ABTB3: variants seen among roughly 807,000 people sequenced by gnomAD.
ABTB3 encodes the protein ankyrin repeat and BTB domain containing 3, also known as ankyrin repeat- and BTB/POZ domain-containing protein 3.
At chr12:107,461,510 C>T in the ABTB3 span, among the ~76,000 whole-genome samples, 765 of 151,508 alleles carry the variant, frequency 5.0e-3, 11 homozygotes, top group African/African-American at 0.018. Flanking sequence ...CTGGAAGGAA[C>T]TGGCCTTGCT....
At chr12:107,580,949 G>T in the ABTB3 span, 9 of 1,551,630 alleles carry the variant, frequency 5.8e-6, no homozygotes, top group East Asian at 2.0e-4. Context: ...GCCTGCCCCG[G>T]GGTCACCGGT....
At chr12:107,355,402 C>CCTT in the ABTB3 span, among the ~76,000 whole-genome samples, 1 of 152,322 alleles carries the variant, frequency 6.6e-6, no homozygotes, top group Non-Finnish European at 1.5e-5. Context: ...GAGCCCTGAG[C>CCTT]CTTCAGTGTC....
chr12:107,626,495 A>G, the ABTB3 span, among the ~76,000 whole-genome samples: 1 of 151,800 alleles, frequency 6.6e-6, no homozygotes, highest in African/African-American at 2.4e-5. Flanking sequence ...ACAAGCACCC[A>G]CCAGTATGCC....
chr12:107,507,332 T>G, the ABTB3 span, among the ~76,000 whole-genome samples: 19 of 152,000 alleles, frequency 1.3e-4, no homozygotes, highest in African/African-American at 3.9e-4. Context: ...CCAGAAGAGA[T>G]CCACAGGCAG....
At chr12:107,420,671 G>A in the ABTB3 span, among the ~76,000 whole-genome samples, 1 of 152,252 alleles carries the variant, frequency 6.6e-6, no homozygotes, top group African/African-American at 2.4e-5. Flanking sequence ...TCTTCTGAGA[G>A]GCAGCACATT....
the ABTB3 span, among the ~76,000 whole-genome samples, chr12:107,448,857 C>A: frequency 1.3e-5 from 2 of 152,216 alleles, no homozygotes; most frequent in Non-Finnish European, 2.9e-5. Flanking sequence ...GGGCGTGAGC[C>A]ACCACACCTG....
At chr12:107,435,732 G>A in the ABTB3 span, among the ~76,000 whole-genome samples, 1 of 152,124 alleles carries the variant, frequency 6.6e-6, no homozygotes, top group East Asian at 1.9e-4. Context: ...GCTTTAAATG[G>A]TGCTCTCTAT....
At chr12:107,530,583 G>C in the ABTB3 span, among the ~76,000 whole-genome samples, 10 of 152,088 alleles carry the variant, frequency 6.6e-5, no homozygotes, top group Non-Finnish European at 1.3e-4. Flanking sequence ...ACATAATCCT[G>C]ATTATACTGT....
chr12:107,558,663 G>A, the ABTB3 span, among the ~76,000 whole-genome samples: 17 of 152,284 alleles, frequency 1.1e-4, no homozygotes, highest in African/African-American at 3.4e-4. Context: ...CCCCTGGCAG[G>A]AGAAGGCCTC....
At chr12:107,426,513 C>T in the ABTB3 span, among the ~76,000 whole-genome samples, 1 of 152,170 alleles carries the variant, frequency 6.6e-6, no homozygotes, top group East Asian at 1.9e-4. Context: ...AACCCGACTC[C>T]TCTCCCCTTC....
chr12:107,581,313 G>C, the ABTB3 span: 5 of 1,324,180 alleles, frequency 3.8e-6, no homozygotes, highest in African/African-American at 6.3e-5. Context: ...AGGTAGGCGC[G>C]GGGGCGGGCG....
At chr12:107,325,252 A>G in the ABTB3 span, among the ~76,000 whole-genome samples, 29 of 152,200 alleles carry the variant, frequency 1.9e-4, no homozygotes, top group African/African-American at 5.8e-4. Flanking sequence ...TTGCTTTTCT[A>G]TTGTCTCTGC....
chr12:107,585,247 G>A, the ABTB3 span, among the ~76,000 whole-genome samples: 6 of 152,128 alleles, frequency 3.9e-5, no homozygotes, highest in African/African-American at 1.2e-4. Flanking sequence ...GGCTGTTTGA[G>A]CCACGAGTTT....
the ABTB3 span, among the ~76,000 whole-genome samples, chr12:107,606,801 C>T: frequency 6.6e-6 from 1 of 152,162 alleles, no homozygotes; most frequent in Non-Finnish European, 1.5e-5. Flanking sequence ...AATCTGATAC[C>T]TCCCTGAGAT....
chr12:107,624,071 GAAA>G, the ABTB3 span, among the ~76,000 whole-genome samples: 131 of 152,088 alleles, frequency 8.6e-4, no homozygotes, highest in African/African-American at 3.1e-3. Context: ...GTGCTCAAAG[GAAA>G]AAGTGTAGGA....
the ABTB3 span, among the ~76,000 whole-genome samples, chr12:107,559,440 C>T: frequency 6.6e-6 from 1 of 152,172 alleles, no homozygotes; most frequent in Non-Finnish European, 1.5e-5. Flanking sequence ...GAGGCTGGCC[C>T]AGCATGGCAG....
chr12:107,648,146 C>T, the ABTB3 span, among the ~76,000 whole-genome samples: 4 of 151,992 alleles, frequency 2.6e-5, no homozygotes, highest in Non-Finnish European at 4.4e-5. Flanking sequence ...TTTGGGAGGC[C>T]GAGGTGGACA....
the ABTB3 span, among the ~76,000 whole-genome samples, chr12:107,511,277 C>G: frequency 6.6e-6 from 1 of 152,222 alleles, no homozygotes; most frequent in African/African-American, 2.4e-5. Flanking sequence ...CTCTCAGTTT[C>G]ATAACTGATA....
At chr12:107,649,219 A>G in the ABTB3 span, 5 of 1,613,040 alleles carry the variant, frequency 3.1e-6, no homozygotes, top group South Asian at 3.3e-5. Context: ...GTTATGCAGT[A>G]TCTCTACTAT....
Sources: allele counts gnomAD v4.1 joint callset (sites outside exome capture counted in the v4.1 genomes callset), GRCh38; gene constraint gnomAD v4.1.1; transcripts MANE v1.5; gene names NCBI Gene and HGNC (gene_info 2026-07-23, HGNC 2026-07-21).